Variants in SPRYD7 observed in about 807,000 individuals in gnomAD.
SPRYD7 encodes the protein SPRY domain-containing protein 7.
Under a neutral mutation model 23.8 loss-of-function variants are expected in SPRYD7, and 14 were observed. The observed-to-expected ratio is 0.59, with a 90% CI of 0.39 to 0.92. SPRYD7 has a LOEUF of 0.92. Among genes scored for constraint, SPRYD7 ranks in the 40% least tolerant of loss-of-function variants. The pLI, the probability that SPRYD7 is intolerant of heterozygous loss-of-function variation, is 0.00. For missense variants in SPRYD7, 194 were observed against 241.7 expected (o/e 0.80, Z 1.31); for synonymous variants, 75 against 84.9 (o/e 0.88, Z 0.64).
intron 3 of SPRYD7, among the ~76,000 whole-genome samples, chr13:49,923,741 G>A (rs945358190): frequency 6.6e-6 from 1 of 151,976 alleles, no homozygotes. Context: ...TGATACGCCC[G>A]CCTCAGCCTC....
In SPRYD7 at chr13:49,936,215, G is replaced by A. The variant is rs762982251; in HGVS notation, c.21C>T (p.Cys7=). The A allele has an allele frequency of 4.4e-6, 7 of 1,605,678 alleles. No individual in the cohort carries two copies. The highest frequency in any genetic ancestry group is 1.3e-5 in the African/African-American group (1 of 74,328). The change falls in exon 1 of 5, where the codon TGC becomes TGT. Residue 7 remains cysteine, a synonymous_variant. Transcript: ENST00000361840. MATSVL[C]CLRCCRDGGT... is the part of the protein sequence containing the mutation. ...CCCCGTCTCTGCAGCACCGCAGGCAGCACAACACCGAGGTGGCCATCGCGC... is the reference window on the plus strand; with the variant it reads ...CCCCGTCTCTGCAGCACCGCAGGCAACACAACACCGAGGTGGCCATCGCGC...
intron 1 of SPRYD7, among the ~76,000 whole-genome samples, 170 bp from the exon 2 acceptor site, chr13:49,931,304 C>T (rs902796998): frequency 3.3e-5 from 5 of 152,108 alleles, no homozygotes; most frequent in African/African-American, 9.7e-5. Flanking sequence ...CTCAGCCTCC[C>T]GAGTAGCTGG....
At chr13:49,923,589 A>C (rs1486277688) in intron 3 of SPRYD7, among the ~76,000 whole-genome samples, 1 of 152,180 alleles carries the variant, frequency 6.6e-6, no homozygotes, top group Admixed American at 6.5e-5. Context: ...GCAAAATCCC[A>C]GTACCAAAGA....
At chr13:49,934,015 C>T (rs994063707) in intron 1 of SPRYD7, among the ~76,000 whole-genome samples, 13 of 151,766 alleles carry the variant, frequency 8.6e-5, no homozygotes, top group Admixed American at 7.9e-4. Context: ...AGTGACAACC[C>T]TCGGAGAATC....
intron 3 of SPRYD7, among the ~76,000 whole-genome samples, chr13:49,927,297 T>C (rs1169374997): frequency 2.0e-5 from 3 of 151,864 alleles, no homozygotes; most frequent in African/African-American, 7.3e-5. Context: ...GAGTTCGAGA[T>C]CAGCCTGGCC....
At position 49,928,062 on chromosome 13, in the gene SPRYD7, T is replaced by C. The variant is rs1484327222; in HGVS notation, c.247A>G (p.Thr83Ala). The change falls in exon 3 of 5, where the codon ACT becomes GCT. Residue 83 changes from threonine (T) to alanine (A), a missense_variant. Thr to Ala is a moderately conservative substitution (Grantham distance 58). Coordinates refer to ENST00000361840, the MANE Select transcript of SPRYD7 (RefSeq NM_020456.4). ...STGIWGIGVA[T>A]QKVNLNQIPL... ...ATCTGATTCAAGTTAACCTTCTGAG[T>C]TGCAACACCAATACCCCAGATTCCT... 6.2e-7 allele frequency: 1 copy of C among 1,614,108 alleles called. No individual in the cohort carries two copies. Among genetic ancestry groups the C allele is most frequent in the Non-Finnish European group, 8.5e-7 (1 of 1,180,012 alleles).
At chr13:49,930,281 T>A (rs1955932287) in intron 2 of SPRYD7, among the ~76,000 whole-genome samples, 1 of 151,982 alleles carries the variant, frequency 6.6e-6, no homozygotes, top group Admixed American at 6.6e-5. Context: ...TGAATCAGGG[T>A]ATCTTAATAA....
intron 3 of SPRYD7, among the ~76,000 whole-genome samples, chr13:49,923,464 G>A (rs1200653733): frequency 1.3e-5 from 2 of 152,068 alleles, no homozygotes; most frequent in African/African-American, 4.8e-5. Context: ...GGCTGGTCTT[G>A]AACTCCTGAC....
At chr13:49,928,578 G>A (rs1045988258) in intron 2 of SPRYD7, among the ~76,000 whole-genome samples, 1 of 152,170 alleles carries the variant, frequency 6.6e-6, no homozygotes, top group South Asian at 2.1e-4. Context: ...ACATCATCTT[G>A]CGCAAATTAC....
intron 2 of SPRYD7, among the ~76,000 whole-genome samples, chr13:49,930,512 C>A (rs898630642): frequency 2.6e-5 from 4 of 151,548 alleles, no homozygotes; most frequent in African/African-American, 7.3e-5. Context: ...ACCCGGGAGG[C>A]GGAGGTTGCC....
intron 1 of SPRYD7, among the ~76,000 whole-genome samples, chr13:49,931,638 C>A (rs56794415): frequency 0.017 from 2,531 of 152,124 alleles, 55 homozygotes; most frequent in African/African-American, 0.057. Flanking sequence ...AAGTAATATT[C>A]ATTTGTATGT....
chr13:49,928,731 ACAGT>A (rs1204044940), intron 2 of SPRYD7, among the ~76,000 whole-genome samples: 4 of 152,238 alleles, frequency 2.6e-5, no homozygotes, highest in Non-Finnish European at 5.9e-5. Flanking sequence ...AGTAAAGCAC[ACAGT>A]AAGTATTCAG....
At chr13:49,925,050 G>A (rs1402506616) in intron 3 of SPRYD7, among the ~76,000 whole-genome samples, 1 of 150,530 alleles carries the variant, frequency 6.6e-6, no homozygotes. Flanking sequence ...GGGCCATTAT[G>A]AGCATTAAAC....
At position 49,921,589 on chromosome 13, in the gene SPRYD7, G is replaced by A. The variant is rs1319481836; in HGVS notation, c.391-9C>T. The A allele has an allele frequency of 1.2e-5, 18 of 1,513,684 alleles. No individual in the cohort carries two copies. The highest frequency in any genetic ancestry group is 2.3e-5 in the South Asian group (2 of 88,170). 93.8% of individuals were successfully genotyped at this position (1,513,684 alleles called of 1,614,324 possible). On this transcript the variant is annotated splice_polypyrimidine_tract_variant and intron_variant, in intron 3 of 4. Coordinates refer to ENST00000361840, the MANE Select transcript of SPRYD7 (RefSeq NM_020456.4). ...TGGTCATAAGTAATACCCTAGGAAG[G>A]AAAAAACAGAAACGTTCCATAAAAG... is the stretch of plus-strand genomic sequence containing the variant.
chr13:49,925,751 G>T lies in SPRYD7; in HGVS notation c.390+2168C>A, dbSNP rs1232502050. Among the ~76,000 whole-genome samples the T allele has an allele frequency of 5.9e-5, 9 of 151,862 alleles. No individual in the cohort carries two copies. The East Asian group carries it at 1.5e-3, about 26-fold the overall frequency. On this transcript the variant is annotated intron_variant, in intron 3 of 4. Transcript: ENST00000361840. ...GGCGTGAACCCAGGAGGTGTAGCTTGCAGTGAGCCAAGATAGCGCCACTGC... is the reference window on the plus strand; with the variant it reads ...GGCGTGAACCCAGGAGGTGTAGCTTTCAGTGAGCCAAGATAGCGCCACTGC...
At chr13:49,921,729 C>T (rs1466672690) in intron 3 of SPRYD7, 149 bp from the exon 4 acceptor site, 5 of 575,056 alleles carry the variant, frequency 8.7e-6, no homozygotes, top group African/African-American at 1.9e-5. Context: ...TTGAACTGAG[C>T]TAAAAAAATG....
intron 1 of SPRYD7, among the ~76,000 whole-genome samples, chr13:49,932,501 T>C (rs1441331222): frequency 6.6e-6 from 1 of 152,196 alleles, no homozygotes; most frequent in East Asian, 1.9e-4. Context: ...TCAGAGAATA[T>C]ACATAATTCT....
At chr13:49,921,289 C>G (rs75700913) in intron 4 of SPRYD7, among the ~76,000 whole-genome samples, 189 bp downstream of exon 4, 1 of 152,082 alleles carries the variant, frequency 6.6e-6, no homozygotes, top group African/African-American at 2.4e-5. Context: ...TGTTTGCTTC[C>G]CCTTCCGCCA....
intron 1 of SPRYD7, among the ~76,000 whole-genome samples, chr13:49,933,109 C>T (rs1871454921): frequency 6.6e-6 from 1 of 152,180 alleles, no homozygotes; most frequent in Admixed American, 6.5e-5. Flanking sequence ...TCTCCCTCTC[C>T]CGACAGACTT....
Sources: allele counts gnomAD v4.1 joint callset (sites outside exome capture counted in the v4.1 genomes callset), GRCh38; gene constraint gnomAD v4.1.1; transcripts MANE v1.5; gene names NCBI Gene and HGNC (gene_info 2026-07-23, HGNC 2026-07-21).